Variants in CDH26 observed in about 807,000 individuals in gnomAD.
CDH26 encodes cadherin 26.
Under a neutral mutation model 90.3 loss-of-function variants are expected in CDH26, and 83 were observed. The ratio of observed to expected loss-of-function variants is 0.92; its 90% CI spans 0.77 to 1.10. The LOEUF (loss-of-function observed/expected upper bound fraction) is 1.10, where lower values mean the gene tolerates loss of function less well. CDH26 is among the 50% of genes least tolerant of loss of function. CDH26 has a pLI of 0.00. For synonymous variants in CDH26, 397 were observed against 396.3 expected (o/e 1.00, Z -0.02); for missense variants, 1,013 against 1,037.6 (o/e 0.98, Z 0.33).
chr20:59,967,901 CTTCCTTCCT>C (rs1208781678), intron 1 of CDH26, among the ~76,000 whole-genome samples: 1,441 of 117,726 alleles, frequency 0.012, 60 homozygotes, highest in African/African-American at 0.052. Flanking sequence ...TCCTTCCTTC[CTTCCTTCCT>C]TTCCTTTCCT....
intron 13 of CDH26, among the ~76,000 whole-genome samples, chr20:59,998,977 A>G (rs945588257): frequency 6.6e-5 from 10 of 152,186 alleles, no homozygotes; most frequent in Non-Finnish European, 1.5e-4. Context: ...ACATCCACTC[A>G]CCAGGAACAT....
chr20:60,025,370 C>T (rs958469647), intron 7 of CDH26, among the ~76,000 whole-genome samples: 3 of 152,332 alleles, frequency 2.0e-5, no homozygotes, highest in South Asian at 2.1e-4. Context: ...CTCCTTACAC[C>T]GTGCTACACT....
intron 12 of CDH26, chr20:59,996,342 C>T: frequency 6.9e-7 from 1 of 1,443,904 alleles, no homozygotes; most frequent in Admixed American, 2.7e-5. Flanking sequence ...CAGCAATGTA[C>T]AGATATTCAG....
intron 17 of CDH26, among the ~76,000 whole-genome samples, chr20:60,007,121 C>A (rs1469501652): frequency 6.6e-6 from 1 of 152,166 alleles, no homozygotes; most frequent in Non-Finnish European, 1.5e-5. Flanking sequence ...TATTAGGGAA[C>A]TAATTCCATC....
Position 59,958,813 on chromosome 20 carries a change from C to T in CDH26, c.69+18C>T. 1.2e-6 allele frequency: 2 copies of T among 1,610,890 alleles called. No homozygotes were observed. The highest frequency in any genetic ancestry group is 1.7e-6 in the Non-Finnish European group (2 of 1,178,304). On this transcript the variant is annotated intron_variant, in intron 1 of 17. Transcript: ENST00000348616. ...TGCTGCAGGTAAGCTGAGCCTGCAG[C>T]CTAGTGCTCAGGTGCAGGGAACTGA...
chr20:59,999,816 T>A (rs760719898), intron 14 of CDH26, among the ~76,000 whole-genome samples, 153 bp downstream of exon 14: 2 of 152,188 alleles, frequency 1.3e-5, no homozygotes. Flanking sequence ...CAAAGCCCCA[T>A]GGTTCCCTTA....
At chr20:60,000,407 A>G (rs1257241723) in intron 14 of CDH26, among the ~76,000 whole-genome samples, 2 of 152,224 alleles carry the variant, frequency 1.3e-5, no homozygotes, top group Non-Finnish European at 2.9e-5. Flanking sequence ...TGGCCAGGGC[A>G]GTGAGGAGGG....
At chr20:60,018,702 C>CTTT (rs55994712), downstream of CDH26, among the ~76,000 whole-genome samples, 55 of 17,808 alleles carry the variant, frequency 3.1e-3, 5 homozygotes, top group African/African-American at 5.5e-3. Flanking sequence ...CTCTTACTGC[C>CTTT]TTTTTTTTTT....
intron 7 of CDH26, among the ~76,000 whole-genome samples, chr20:59,985,770 T>G (rs1464133443): frequency 6.6e-6 from 1 of 152,242 alleles, no homozygotes; most frequent in Non-Finnish European, 1.5e-5. Flanking sequence ...CACATGAGCT[T>G]ACATTTTTGA....
At chr20:60,031,515 G>T (rs1380827031) in intron 8 of CDH26, 67 of 1,031,312 alleles carry the variant, frequency 6.5e-5, no homozygotes, top group Non-Finnish European at 7.9e-5. Flanking sequence ...TAATCCTTGA[G>T]AATTAAATCA....
chr20:60,035,586 T>G (rs2062076180), downstream of CDH26, among the ~76,000 whole-genome samples: 2 of 152,162 alleles, frequency 1.3e-5, no homozygotes, highest in South Asian at 4.1e-4. Context: ...TCTGATAGGT[T>G]GGTGGTCCTT....
chr20:59,997,273 A>C (rs2061610398), intron 13 of CDH26, among the ~76,000 whole-genome samples: 1 of 152,292 alleles, frequency 6.6e-6, no homozygotes, highest in Non-Finnish European at 1.5e-5. Context: ...AGATCATGGC[A>C]GAACCTGCTC....
rs532484598 is a variant in CDH26, at chr20:59,992,398, C to T, written c.1304C>T (p.Pro435Leu). The change falls in exon 10 of 18, where the codon CCA becomes CTA. Residue 435 changes from proline (P) to leucine (L), a missense_variant. Pro to Leu is a moderately conservative substitution (Grantham distance 98). Transcript: ENST00000348616. The surrounding 1 kb of genome is among the most constrained non-coding windows in gnomAD (Gnocchi z 5.0). The part of the protein sequence containing the change: ...SQIRYELVHD[P>L]ANWVSVDKNS... Reference sequence around the variant, plus strand: ...ACAAGATATGAACTGGTTCATGACCCAGCAAATTGGGTCAGCGTCGACAAA... The same window carrying T: ...ACAAGATATGAACTGGTTCATGACCTAGCAAATTGGGTCAGCGTCGACAAA... 13 of 1,613,866 alleles carry T rather than the reference C, an allele frequency of 8.1e-6. No homozygotes were observed. The highest frequency in any genetic ancestry group is 9.3e-6 in the Non-Finnish European group (11 of 1,179,974).
intron 7 of CDH26, among the ~76,000 whole-genome samples, chr20:60,021,913 T>TAG: frequency 2.1e-5 from 1 of 47,318 alleles, no homozygotes. Context: ...TATATATATA[T>TAG]ATATCCTGAC....
chr20:59,979,447 T>C (rs1293270417), intron 4 of CDH26, among the ~76,000 whole-genome samples: 1 of 152,010 alleles, frequency 6.6e-6, no homozygotes, highest in Non-Finnish European at 1.5e-5. Flanking sequence ...TCTGCCCACC[T>C]GGGCCTACCA....
chr20:60,019,478 G>GT (rs1460095902), downstream of CDH26, among the ~76,000 whole-genome samples: 4 of 151,972 alleles, frequency 2.6e-5, no homozygotes, highest in African/African-American at 9.7e-5. Flanking sequence ...CTTGTCCATT[G>GT]TTGAAACTCT....
chr20:60,006,638 G>A lies in CDH26; in HGVS notation c.2221-75G>A, dbSNP rs574710687. On this transcript the variant is annotated intron_variant, in intron 16 of 17. Transcript: ENST00000348616. Reference sequence around the variant, plus strand: ...CTCAGTGTGCCCCATCTATGCTGGGGCCACTGACACACAGGGGTTGGGGGG... The same window carrying A: ...CTCAGTGTGCCCCATCTATGCTGGGACCACTGACACACAGGGGTTGGGGGG... 1.7e-5 allele frequency: 18 copies of A among 1,038,752 alleles called. No homozygotes were observed. The East Asian group carries it at 3.8e-4, about 22-fold the overall frequency. 64.3% of individuals were successfully genotyped at this position (1,038,752 alleles called of 1,614,324 possible). A position where few individuals can be genotyped will look rare whatever the true frequency, so the allele number is the denominator to read the frequency against.
intron 12 of CDH26, 37 bp from the exon 13 acceptor site, chr20:59,996,594 C>G (rs771526443): frequency 1.8e-5 from 29 of 1,614,066 alleles, no homozygotes. Context: ...TATGGGTGAG[C>G]TTGTCTAATC....
At chr20:60,023,106 T>G (rs1373467826) in intron 7 of CDH26, among the ~76,000 whole-genome samples, 2 of 152,220 alleles carry the variant, frequency 1.3e-5, no homozygotes, top group Non-Finnish European at 2.9e-5. Context: ...AATTAGAATG[T>G]GATGGCTGGA....
Sources: gnomAD v4.1 joint callset for allele counts (sites outside exome capture counted in the v4.1 genomes callset) on GRCh38, gnomAD v4.1.1 for gene constraint, Gnocchi (gnomAD v3.1) non-coding constraint, MANE v1.5 for transcripts, NCBI Gene and HGNC (gene_info 2026-07-23, HGNC 2026-07-21) for gene names.